CNTN5: variants seen among roughly 807,000 people sequenced by gnomAD.
CNTN5 encodes the protein contactin 5.
Under a neutral mutation model 129.1 loss-of-function variants are expected in CNTN5, and 77 were observed. The observed-to-expected ratio is 0.60, with a 90% confidence interval of 0.50 to 0.72. The LOEUF is 0.72. Ranked by LOEUF, CNTN5 falls within the 30% of genes least tolerant of loss-of-function variation. The pLI, the probability that CNTN5 is intolerant of heterozygous loss-of-function variation, is 0.00. For synonymous variants in CNTN5, 509 were observed against 465.6 expected, an observed-to-expected ratio of 1.09 and a Z score of -1.20; for missense variants, 1,478 against 1,328.8, an observed-to-expected ratio of 1.11 and a Z score of -1.75.
chr11:99,250,391 A>G (rs1862036938), intron 1 of CNTN5, among the ~76,000 whole-genome samples: 1 of 151,972 alleles, frequency 6.6e-6, no homozygotes, highest in African/African-American at 2.4e-5. Flanking sequence ...GAAATACATG[A>G]AGGATATTAA....
chr11:99,117,690 T>A (rs1226229446), intron 1 of CNTN5, among the ~76,000 whole-genome samples: 3 of 152,138 alleles, frequency 2.0e-5, no homozygotes, highest in Admixed American at 6.6e-5. Context: ...TTAGATGACA[T>A]TCATGAGGGT....
At chr11:99,430,453 G>A (rs961034952) in intron 2 of CNTN5, among the ~76,000 whole-genome samples, 3 of 148,560 alleles carry the variant, frequency 2.0e-5, no homozygotes, top group Non-Finnish European at 4.5e-5. Flanking sequence ...ATATTTATAA[G>A]GCCTTTATAT....
At chr11:99,158,312 T>C (rs559883619) in intron 1 of CNTN5, among the ~76,000 whole-genome samples, 30 of 152,332 alleles carry the variant, frequency 2.0e-4, no homozygotes, top group African/African-American at 5.8e-4. Flanking sequence ...TCTTTGCAAG[T>C]ATGCTTCATG....
intron 4 of CNTN5, among the ~76,000 whole-genome samples, chr11:99,839,569 G>T (rs1036090674): frequency 1.3e-5 from 2 of 152,016 alleles, no homozygotes; most frequent in Non-Finnish European, 2.9e-5. Context: ...CCTTAAAAAG[G>T]AAATAGGGTT....
At chr11:99,909,988 A>T (rs561045186) in intron 6 of CNTN5, among the ~76,000 whole-genome samples, 6 of 152,228 alleles carry the variant, frequency 3.9e-5, no homozygotes, top group African/African-American at 1.4e-4. Context: ...TTGTAGCATT[A>T]TATCATGTGG....
chr11:99,057,482 T>C (rs2135197142), intron 1 of CNTN5, among the ~76,000 whole-genome samples: 1 of 151,938 alleles, frequency 6.6e-6, no homozygotes, highest in South Asian at 2.1e-4. Context: ...AGAAAACTGC[T>C]TTATCCTACA....
At chr11:100,095,844 C>T (rs1944991428) in intron 13 of CNTN5, among the ~76,000 whole-genome samples, 1 of 152,066 alleles carries the variant, frequency 6.6e-6, no homozygotes, top group Admixed American at 6.6e-5. Context: ...AGCATTCCAA[C>T]AGATAACATG....
At chr11:100,054,135 T>C (rs987110380) in intron 9 of CNTN5, among the ~76,000 whole-genome samples, 2 of 151,730 alleles carry the variant, frequency 1.3e-5, no homozygotes, top group South Asian at 4.1e-4. Flanking sequence ...TTCCTGATTG[T>C]TCTCATGGTA....
At chr11:99,966,379 T>C (rs1951093984) in intron 8 of CNTN5, among the ~76,000 whole-genome samples, 1 of 152,166 alleles carries the variant, frequency 6.6e-6, no homozygotes, top group African/African-American at 2.4e-5. Flanking sequence ...AGAGATGTGA[T>C]GGCATTGATA....
At chr11:99,705,127 G>A (rs1375422843) in intron 3 of CNTN5, among the ~76,000 whole-genome samples, 2 of 151,400 alleles carry the variant, frequency 1.3e-5, no homozygotes, top group African/African-American at 4.8e-5. Flanking sequence ...TCACCCAGAA[G>A]TGTATACGAA....
chr11:99,105,970 A>G (rs1245047975), intron 1 of CNTN5, among the ~76,000 whole-genome samples: 3 of 152,160 alleles, frequency 2.0e-5, no homozygotes, highest in African/African-American at 7.2e-5. Flanking sequence ...TAGAAATGAC[A>G]ATGTTATTCC....
intron 1 of CNTN5, among the ~76,000 whole-genome samples, chr11:99,247,372 T>C (rs1346362275): frequency 1.3e-5 from 2 of 152,082 alleles, no homozygotes; most frequent in Non-Finnish European, 2.9e-5. Flanking sequence ...TGATGTACCA[T>C]ATACACAGAC....
intron 3 of CNTN5, among the ~76,000 whole-genome samples, chr11:99,634,765 C>T (rs1951489013): frequency 6.6e-6 from 1 of 152,098 alleles, no homozygotes; most frequent in African/African-American, 2.4e-5. Flanking sequence ...TTGTACTTTC[C>T]ACAGTCAGTA....
rs1263892708 is a variant in CNTN5, at chr11:99,607,260, CA to C, written c.55+50994del. Among the ~76,000 whole-genome samples the C allele has an allele frequency of 8.9e-5, 5 of 55,910 alleles. No individual in the cohort carries two copies. In the East Asian group the frequency reaches 1.8e-3, roughly 21 times the overall value. 36.7% of individuals were successfully genotyped at this position (55,910 alleles called of 152,430 possible). ...CTCAAACAAATTTACAAGAAAAAAA[CA>C]AACAACCCCATCAAAAAGTGGGCGA... is the stretch of plus-strand genomic sequence containing the variant. On this transcript the variant is annotated intron_variant, in intron 3 of 24. Coordinates refer to ENST00000524871, the MANE Select transcript of CNTN5 (RefSeq NM_014361.4).
chr11:99,674,039 T>C (rs146371234), intron 3 of CNTN5, among the ~76,000 whole-genome samples: 3 of 152,304 alleles, frequency 2.0e-5, no homozygotes, highest in African/African-American at 7.2e-5. Context: ...CCACACTGTT[T>C]TCCACAATGG....
rs529868978 is a variant in CNTN5, at chr11:99,801,245, G to T, written c.56-18299G>T. ...GTTACAATTTTTATTCTTTAAGAAT[G>T]CTGAAAATAGGCCTCCAGTCTCTCC... On this transcript the variant is annotated intron_variant, in intron 3 of 24. Transcript: ENST00000524871. Among the ~76,000 whole-genome samples, 42 of 152,282 alleles carry T rather than the reference G, an allele frequency of 2.8e-4. 2 individuals carry two copies. The East Asian group carries it at 7.9e-3, about 29-fold the overall frequency.
At chr11:99,943,076 G>A (rs1950477084) in intron 7 of CNTN5, among the ~76,000 whole-genome samples, 1 of 152,106 alleles carries the variant, frequency 6.6e-6, no homozygotes, top group Non-Finnish European at 1.5e-5. Context: ...GGGTCAAATT[G>A]AGTATCTGGT....
chr11:99,388,071 C>T (rs891413535), intron 2 of CNTN5, among the ~76,000 whole-genome samples: 1 of 152,082 alleles, frequency 6.6e-6, no homozygotes, highest in South Asian at 2.1e-4. Flanking sequence ...TATTATAGCA[C>T]TCTGCAGAGA....
At chr11:100,233,802 T>A (rs1322949663) in intron 16 of CNTN5, among the ~76,000 whole-genome samples, 1 of 152,088 alleles carries the variant, frequency 6.6e-6, no homozygotes, top group Non-Finnish European at 1.5e-5. Flanking sequence ...CATGCCCAGA[T>A]GGGATCTAAT....
Sources: allele counts gnomAD v4.1 joint callset (sites outside exome capture counted in the v4.1 genomes callset), GRCh38; gene constraint gnomAD v4.1.1; transcripts MANE v1.5; gene names NCBI Gene and HGNC (gene_info 2026-07-23, HGNC 2026-07-21).